The following OPCML variants were observed in gnomAD, a reference collection of about 807,000 sequenced individuals.
OPCML encodes the protein opioid-binding protein/cell adhesion molecule.
A neutral mutation model predicts 37.8 loss-of-function variants in OPCML; 13 were observed. The observed-to-expected ratio is 0.34, with a 90% CI of 0.22 to 0.55. The LOEUF (loss-of-function observed/expected upper bound fraction) is 0.55. OPCML is among the 20% of genes least tolerant of loss of function. OPCML has a pLI of 0.91. For synonymous variants in OPCML, 176 were observed against 168.8 expected (o/e 1.04, Z -0.33); for missense variants, 341 against 435.6 (o/e 0.78, Z 1.93).
At chr11:133,386,955 C>T (rs1945068686) in intron 1 of OPCML, among the ~76,000 whole-genome samples, 1 of 152,176 alleles carries the variant, frequency 6.6e-6, no homozygotes. Context: ...GTCCTGCCCA[C>T]CCTCCATCTC....
In OPCML at chr11:132,439,699, T is replaced by TG. The variant is rs1491391755; in HGVS notation, c.506-2341_506-2340insC. Among the ~76,000 whole-genome samples, 5 of 6,686 alleles carry TG rather than the reference T, an allele frequency of 7.5e-4. No individual in the cohort carries two copies. The Admixed American group carries it at 0.018, about 24-fold the overall frequency. The allele number at this position is 6,686 out of a possible 152,430, so 4.4% of individuals were successfully genotyped here. On this transcript the variant is annotated intron_variant, in intron 4 of 7. Transcript: ENST00000524381. ...AAATGACGTTCCAGACACCTCGCCA[T>TG]TTTTTTTTTTTTTCCTGAAAGAAAT...
chr11:133,009,084 G>T (rs1201491940), intron 1 of OPCML: 1 of 985,316 alleles, frequency 1.0e-6, no homozygotes, highest in South Asian at 4.7e-5. Flanking sequence ...TGTATGGGCA[G>T]GTTTAGTGAG....
At chr11:133,121,169 T>C (rs1250189476) in intron 1 of OPCML, among the ~76,000 whole-genome samples, 5 of 152,180 alleles carry the variant, frequency 3.3e-5, no homozygotes, top group African/African-American at 1.2e-4. Context: ...TCAGCCCACC[T>C]TGGGCGCCCA....
chr11:133,521,493 G>A (rs1439580409), intron 1 of OPCML, among the ~76,000 whole-genome samples: 1 of 152,250 alleles, frequency 6.6e-6, no homozygotes, highest in East Asian at 1.9e-4. Flanking sequence ...ACTGATGGCA[G>A]TTATAAGGTA....
At chr11:133,311,440 T>C (rs1943065503) in intron 1 of OPCML, among the ~76,000 whole-genome samples, 1 of 152,206 alleles carries the variant, frequency 6.6e-6, no homozygotes, top group Non-Finnish European at 1.5e-5. Flanking sequence ...CAAAACTGCA[T>C]CATTAGTGGT....
At chr11:132,636,650 G>GA (rs1288273031) in intron 3 of OPCML, among the ~76,000 whole-genome samples, 2 of 152,192 alleles carry the variant, frequency 1.3e-5, no homozygotes, top group African/African-American at 4.8e-5. Flanking sequence ...GAGTGGAGAG[G>GA]AAAAATCTCT....
rs913659680 is a variant in OPCML at position 133,052,597 on chromosome 11, C to T, written c.62-109587G>A. Reference sequence around the variant, plus strand: ...CTGGATGTTGCCTTTAGAGAGCAACCTCTATGTCCAGATCAGTTCTGCTGG... The same window carrying T: ...CTGGATGTTGCCTTTAGAGAGCAACTTCTATGTCCAGATCAGTTCTGCTGG... On this transcript the variant is annotated intron_variant, in intron 1 of 7. Transcript: ENST00000524381. Among the ~76,000 whole-genome samples, 3 of 152,184 alleles carry T rather than the reference C, an allele frequency of 2.0e-5. No individual in the cohort carries two copies. In the East Asian group the frequency reaches 5.8e-4, roughly 29 times the overall value.
intron 1 of OPCML, among the ~76,000 whole-genome samples, chr11:133,071,987 G>A (rs778685803): frequency 6.6e-6 from 1 of 152,186 alleles, no homozygotes; most frequent in Non-Finnish European, 1.5e-5. Context: ...TCAGGACTGC[G>A]TGTGCAGGAC....
At chr11:132,842,809 C>T (rs532917671) in intron 2 of OPCML, among the ~76,000 whole-genome samples, 7 of 152,256 alleles carry the variant, frequency 4.6e-5, no homozygotes, top group South Asian at 2.1e-4. Context: ...AACATGACCC[C>T]GCCACCCTCT....
chr11:132,962,986 A>T (rs891445911), intron 1 of OPCML, among the ~76,000 whole-genome samples: 1 of 152,116 alleles, frequency 6.6e-6, no homozygotes, highest in African/African-American at 2.4e-5. Context: ...CTTGACACGC[A>T]TAGAGGAATC....
intron 1 of OPCML, among the ~76,000 whole-genome samples, chr11:133,414,362 A>C (rs1374638445): frequency 6.6e-6 from 1 of 152,132 alleles, no homozygotes; most frequent in Non-Finnish European, 1.5e-5. Context: ...CAAAAATTCC[A>C]ATACGCTATT....
chr11:132,581,848 A>T (rs1451785118), intron 3 of OPCML, among the ~76,000 whole-genome samples: 1 of 151,986 alleles, frequency 6.6e-6, no homozygotes, highest in Non-Finnish European at 1.5e-5. Flanking sequence ...CCAGTGTATT[A>T]TCTCAAGGGG....
intron 1 of OPCML, among the ~76,000 whole-genome samples, chr11:133,116,300 T>C (rs1214211505): frequency 6.6e-6 from 1 of 152,168 alleles, no homozygotes; most frequent in Non-Finnish European, 1.5e-5. Flanking sequence ...AGAAAAATTC[T>C]CAAAATTAGG....
chr11:132,677,708 G>GA (rs1195163812), intron 2 of OPCML, among the ~76,000 whole-genome samples: 2 of 151,464 alleles, frequency 1.3e-5, no homozygotes, highest in African/African-American at 2.4e-5. Context: ...ACATGAAAAA[G>GA]AAAAAAGAAA....
At chr11:132,603,976 G>A (rs948149770) in intron 3 of OPCML, among the ~76,000 whole-genome samples, 4 of 152,140 alleles carry the variant, frequency 2.6e-5, no homozygotes, top group African/African-American at 9.7e-5. Context: ...CAGTGAACTT[G>A]CAAGGGGATG....
chr11:133,480,501 G>A (rs1947350478), intron 1 of OPCML, among the ~76,000 whole-genome samples: 1 of 152,172 alleles, frequency 6.6e-6, no homozygotes, highest in African/African-American at 2.4e-5. Context: ...TGACTTAAGA[G>A]CCACAGTGTC....
Position 132,776,222 on chromosome 11 carries a change from G to A in OPCML, c.147-118903C>T, listed in dbSNP as rs118099642. Among the ~76,000 whole-genome samples the A allele has an allele frequency of 5.6e-4, 86 of 152,290 alleles. 1 individual carries two copies. In the East Asian group the frequency reaches 0.012, roughly 22 times the overall value. ...GTGATTATAGGTGTTGAGTCACCGC[G>A]CCCAGCTGCATCCTGTTTCTTTCAG... On this transcript the variant is annotated intron_variant, in intron 2 of 7. Coordinates refer to ENST00000524381, the MANE Select transcript of OPCML (RefSeq NM_001012393.5).
At chr11:133,070,659 G>C (rs1246779060) in intron 1 of OPCML, among the ~76,000 whole-genome samples, 2 of 152,206 alleles carry the variant, frequency 1.3e-5, no homozygotes, top group Non-Finnish European at 2.9e-5. Flanking sequence ...ATAAATCCAA[G>C]TTGTTTATTA....
chr11:133,133,846 CG>C (rs969159565), intron 1 of OPCML, among the ~76,000 whole-genome samples: 4 of 151,858 alleles, frequency 2.6e-5, no homozygotes, highest in Admixed American at 6.6e-5. Flanking sequence ...CTCATTCATT[CG>C]GGGGGGAAAA....
Sources: allele counts gnomAD v4.1 joint callset (sites outside exome capture counted in the v4.1 genomes callset), GRCh38; gene constraint gnomAD v4.1.1; transcripts MANE v1.5; gene names NCBI Gene and HGNC (gene_info 2026-07-23, HGNC 2026-07-21).